Variants in OR7E24 observed in about 807,000 individuals in gnomAD.
OR7E24 encodes olfactory receptor 7E24.
For missense variants in OR7E24, 385 were observed against 410.3 expected, an observed-to-expected ratio of 0.94 and a Z score of 0.53; for synonymous variants, 130 against 157.5, an observed-to-expected ratio of 0.83 and a Z score of 1.31.
chr19:9,215,610 G>A, the OR7E24 span, among the ~76,000 whole-genome samples: 2 of 151,866 alleles, frequency 1.3e-5, no homozygotes, highest in East Asian at 3.9e-4. Context: ...TAACTCTCAG[G>A]GCTTTCTTCC....
the OR7E24 span, among the ~76,000 whole-genome samples, chr19:9,216,788 C>T: frequency 6.6e-6 from 1 of 152,118 alleles, no homozygotes; most frequent in East Asian, 1.9e-4. Flanking sequence ...GATGGGGTTT[C>T]ACCATGTTGG....
chr19:9,235,338 C>A, the OR7E24 span: 1 of 1,342,104 alleles, frequency 7.5e-7, no homozygotes, highest in Non-Finnish European at 1.1e-6. Flanking sequence ...TCCTCTCCAA[C>A]TTGTCCTTTG....
At chr19:9,221,890 C>T in the OR7E24 span, among the ~76,000 whole-genome samples, 4 of 152,194 alleles carry the variant, frequency 2.6e-5, no homozygotes, top group African/African-American at 9.6e-5. Flanking sequence ...AAAAAAATCA[C>T]TGCTCAGACC....
At chr19:9,228,348 C>T in the OR7E24 span, among the ~76,000 whole-genome samples, 1 of 152,188 alleles carries the variant, frequency 6.6e-6, no homozygotes, top group Non-Finnish European at 1.5e-5. Flanking sequence ...CAAATACCTA[C>T]ATTAATTATT....
Position 9,251,677 on chromosome 19 carries a change from A to C in OR7E24, c.634A>C (p.Ile212Leu). 1 of 1,613,774 alleles carries C rather than the reference A, an allele frequency of 6.2e-7. No homozygotes were observed. Among genetic ancestry groups the C allele is most frequent in the South Asian group, 1.1e-5 (1 of 91,046 alleles). The change falls in exon 1 of 1, where the codon ATC becomes CTC. Residue 212 changes from isoleucine to leucine, a missense_variant. Coordinates refer to ENST00000456448, the MANE Select transcript of OR7E24 (RefSeq NM_001079935.2). The part of the protein sequence containing the change: ...LLHLRCSDTF[I>L]NEMVIYFMGA... Reference sequence around the variant, plus strand: ...CCACCTTAGGTGTTCCGACACCTTCATCAATGAAATGGTCATATATTTCAT... The same window carrying C: ...CCACCTTAGGTGTTCCGACACCTTCCTCAATGAAATGGTCATATATTTCAT...
the OR7E24 span, chr19:9,214,038 G>GA: frequency 6.2e-7 from 1 of 1,614,110 alleles, no homozygotes; most frequent in Non-Finnish European, 8.5e-7. Context: ...GCTCTGGGAA[G>GA]AATGGGTCAC....
chr19:9,248,126 A>G (rs1036703504), upstream of OR7E24, among the ~76,000 whole-genome samples: 5 of 152,174 alleles, frequency 3.3e-5, no homozygotes, highest in African/African-American at 1.2e-4. Context: ...CTCACCCAGG[A>G]TAGCAAAAAG....
At chr19:9,219,567 T>C in the OR7E24 span, 1 of 152,228 alleles carries the variant, frequency 6.6e-6, no homozygotes. Context: ...TTTTCTCTTC[T>C]ACACGATCTG....
In OR7E24 at chr19:9,251,644, C is replaced by T. The variant is rs1568336324; in HGVS notation, c.589C>T (p.Gln197Ter). ...TTCTAATTTCTTCTGTGACCCTTCT[C>T]AACTCCTCCACCTTAGGTGTTCCGA... The change falls in exon 2 of 2, where the codon CAA (glutamine) becomes TAA (stop). Residue 197 changes from glutamine to a stop codon, truncating the protein, a stop_gained. Transcript: ENST00000641946. LOFTEE classifies it low-confidence loss of function (END_TRUNC). 1.2e-6 allele frequency: 2 copies of T among 1,613,494 alleles called. No homozygotes were observed. Among genetic ancestry groups the T allele is most frequent in the Non-Finnish European group, 1.7e-6 (2 of 1,179,740 alleles).
chr19:9,215,313 A>C, the OR7E24 span, among the ~76,000 whole-genome samples: 1 of 137,756 alleles, frequency 7.3e-6, no homozygotes, highest in Non-Finnish European at 1.5e-5. Flanking sequence ...ACTGCACTCC[A>C]GCCTGGTGAC....
At chr19:9,213,920 G>T in the OR7E24 span, 1 of 1,613,770 alleles carries the variant, frequency 6.2e-7, no homozygotes, top group South Asian at 1.1e-5. Flanking sequence ...AGTCGGCCCT[G>T]CTGAGGAGTC....
upstream of OR7E24, among the ~76,000 whole-genome samples, chr19:9,243,048 T>C (rs1364654029): frequency 1.3e-5 from 2 of 152,188 alleles, no homozygotes; most frequent in Non-Finnish European, 1.5e-5. Context: ...TTCTCTCATA[T>C]AGTTTAATTT....
At chr19:9,235,219 G>C in the OR7E24 span, 1 of 1,510,344 alleles carries the variant, frequency 6.6e-7, no homozygotes, top group Non-Finnish European at 9.2e-7. Flanking sequence ...ACTGCAGCCC[G>C]TCCTCTTTGG....
At chr19:9,214,848 T>C in the OR7E24 span, 2 of 1,563,926 alleles carry the variant, frequency 1.3e-6, no homozygotes, top group South Asian at 2.4e-5. Context: ...GTAGCTGTTG[T>C]GTCTGCTGGG....
chr19:9,214,557 T>C, the OR7E24 span: 7 of 1,614,028 alleles, frequency 4.3e-6, no homozygotes, highest in Non-Finnish European at 5.9e-6. Context: ...GCACCCCATG[T>C]AGGAGATGTC....
chr19:9,235,367 G>C, the OR7E24 span: 8 of 1,471,186 alleles, frequency 5.4e-6, no homozygotes, highest in South Asian at 3.4e-5. Context: ...TGTTTCATCT[G>C]CACCACAGTC....
upstream of OR7E24, among the ~76,000 whole-genome samples, chr19:9,250,599 T>C (rs1323781916): frequency 6.6e-6 from 1 of 152,226 alleles, no homozygotes; most frequent in Non-Finnish European, 1.5e-5. Flanking sequence ...TTCATTGAGT[T>C]TTGAGACAAC....
rs1336406829 is a variant in OR7E24 at position 9,251,549 on chromosome 19, T to G, written c.506T>G (p.Ile169Ser). The G allele has an allele frequency of 7.4e-6, 12 of 1,614,018 alleles. No individual in the cohort carries two copies. The highest frequency in any genetic ancestry group is 1.0e-5 in the Non-Finnish European group (12 of 1,180,022). The change falls in exon 1 of 1, where the codon ATT (isoleucine) becomes AGT (serine). Residue 169 changes from isoleucine to serine, a missense_variant. Ile to Ser is a moderately radical substitution (Grantham distance 142). Transcript: ENST00000456448. The part of the protein sequence containing the change: ...CGFLILLSFF[I>S]SLLDSQLHNL... ...TTCTTAATCTTGTTGTCTTTTTTTA[T>G]TAGTCTTTTGGACTCCCAGTTGCAC...
At chr19:9,233,132 A>G in the OR7E24 span, among the ~76,000 whole-genome samples, 1 of 152,104 alleles carries the variant, frequency 6.6e-6, no homozygotes, top group South Asian at 2.1e-4. Context: ...CTTTTGAATC[A>G]TGACCCAATC....
Sources: allele counts gnomAD v4.1 joint callset (sites outside exome capture counted in the v4.1 genomes callset), GRCh38; gene constraint gnomAD v4.1.1; transcripts MANE v1.5; gene names NCBI Gene and HGNC (gene_info 2026-07-23, HGNC 2026-07-21).